CFAP77: variants seen among roughly 807,000 people sequenced by gnomAD.
CFAP77 encodes the protein cilia- and flagella-associated protein 77.
In CFAP77, 25 loss-of-function variants were observed where a neutral mutation model predicts 31.1. The ratio of observed to expected loss-of-function variants is 0.80; its 90% CI spans 0.59 to 1.12. The LOEUF (loss-of-function observed/expected upper bound fraction) is 1.12. CFAP77 is among the 50% of genes most tolerant of loss of function. The probability of loss-of-function intolerance (pLI) is 0.00; values close to 1 mark genes in which losing one functional copy is unlikely to be tolerated. For synonymous variants in CFAP77, 151 were observed against 159.9 expected, an observed-to-expected ratio of 0.94 and a Z score of 0.42; for missense variants, 377 against 397.3, an observed-to-expected ratio of 0.95 and a Z score of 0.44.
At chr9:132,414,103 A>G (rs1850056959) in intron 1 of CFAP77, among the ~76,000 whole-genome samples, 2 of 152,344 alleles carry the variant, frequency 1.3e-5, no homozygotes, top group East Asian at 1.9e-4. Flanking sequence ...GCCACAACAT[A>G]TGATTAATTA....
intron 3 of CFAP77, among the ~76,000 whole-genome samples, chr9:132,532,372 C>T (rs976129826): frequency 3.9e-5 from 6 of 152,200 alleles, no homozygotes; most frequent in African/African-American, 9.7e-5. Flanking sequence ...CGGCAGAGAG[C>T]GGAGCCAGCC....
At chr9:132,434,877 G>C (rs969701345) in intron 1 of CFAP77, among the ~76,000 whole-genome samples, 1 of 152,130 alleles carries the variant, frequency 6.6e-6, no homozygotes, top group African/African-American at 2.4e-5. Flanking sequence ...TCAGATGCAC[G>C]CTCTGCCTGG....
chr9:132,520,510 G>A (rs973018809), intron 3 of CFAP77, among the ~76,000 whole-genome samples: 1 of 152,168 alleles, frequency 6.6e-6, no homozygotes, highest in Non-Finnish European at 1.5e-5. Flanking sequence ...GCCAGTTACG[G>A]TGGTGAGTGT....
Position 132,460,237 on chromosome 9 carries a change from T to A in CFAP77, c.196-38458T>A, listed in dbSNP as rs1851026871. Among the ~76,000 whole-genome samples, 4 of 152,282 alleles carry A rather than the reference T, an allele frequency of 2.6e-5. 1 individual carries two copies. In the South Asian group the frequency reaches 8.3e-4, roughly 32 times the overall value. On this transcript the variant is annotated intron_variant, in intron 1 of 5. Coordinates refer to ENST00000393216, the MANE Select transcript of CFAP77 (RefSeq NM_001282957.2). ...CGGGCAGTTCAGCGGTCAGACTGCC[T>A]GGCCACCTCCCACCTCCTCCACTTT...
At chr9:132,472,268 C>T (rs1010105133) in intron 1 of CFAP77, among the ~76,000 whole-genome samples, 33 of 152,336 alleles carry the variant, frequency 2.2e-4, no homozygotes, top group South Asian at 8.3e-4. Context: ...TGAGTACTGG[C>T]ACTCAGGGAG....
intron 3 of CFAP77, among the ~76,000 whole-genome samples, chr9:132,533,243 G>A (rs777813623): frequency 2.0e-5 from 3 of 152,178 alleles, no homozygotes; most frequent in Non-Finnish European, 2.9e-5. Context: ...TTCATGTTCC[G>A]GTCACTGGCC....
intron 1 of CFAP77, among the ~76,000 whole-genome samples, chr9:132,439,810 C>A (rs1850584004): frequency 6.8e-6 from 1 of 146,152 alleles, no homozygotes; most frequent in Non-Finnish European, 1.5e-5. Flanking sequence ...GATCGTGCCA[C>A]TGCACTCCAG....
intron 1 of CFAP77, among the ~76,000 whole-genome samples, chr9:132,426,295 A>G (rs2131685350): frequency 6.6e-6 from 1 of 152,332 alleles, no homozygotes; most frequent in East Asian, 1.9e-4. Context: ...AATGAGCAAC[A>G]TCATTTTTGG....
At chr9:132,473,737 G>A (rs542960219) in intron 1 of CFAP77, among the ~76,000 whole-genome samples, 8 of 152,160 alleles carry the variant, frequency 5.3e-5, no homozygotes, top group Admixed American at 6.5e-5. Context: ...AGGCTGGAGC[G>A]CAATGGTGCG....
Position 132,499,490 on chromosome 9 carries a change from C to A in CFAP77, c.414C>A (p.Asn138Lys). ...VKAGLVTARE[N>K]LLYRQLNDIR... ...CCGGCCTGGTGACTGCCCGGGAGAA[C>A]TTGCTCTACCGTCAGCTCAATGACA... Residue 138 changes from asparagine to lysine, a missense_variant, in exon 3 of 6, where the codon AAC (asparagine) becomes AAA (lysine). Asn to Lys is a moderately conservative substitution (Grantham distance 94). Coordinates refer to ENST00000393216, the MANE Select transcript of CFAP77 (RefSeq NM_001282957.2). This position sits in a 1 kb window ranked among gnomAD's most constrained non-coding sequence, Gnocchi z 5.4. 6.2e-7 allele frequency: 1 copy of A among 1,614,216 alleles called. No homozygotes were observed.
intron 3 of CFAP77, chr9:132,513,206 T>G: frequency 1.3e-6 from 2 of 1,499,074 alleles, no homozygotes; most frequent in South Asian, 2.5e-5. Flanking sequence ...TATTATTGAC[T>G]CTAGTCAAGG....
At chr9:132,546,239 A>C (rs1852725975) in intron 5 of CFAP77, among the ~76,000 whole-genome samples, 2 of 152,090 alleles carry the variant, frequency 1.3e-5, no homozygotes, top group African/African-American at 4.8e-5. Context: ...GGCAGCCACC[A>C]ACTGGGCCTG....
At chr9:132,447,084 G>C (rs1850736943) in intron 1 of CFAP77, among the ~76,000 whole-genome samples, 1 of 152,116 alleles carries the variant, frequency 6.6e-6, no homozygotes. Context: ...GGTGAAGACT[G>C]AGGCTCAAGG....
In CFAP77 at chr9:132,440,665, T is replaced by C. The variant is rs374196342; in HGVS notation, c.195+30199T>C. ...TTGACAATTATGATTAACATCTAGATCATGTTTGAGGGTTTACAAAGTACC... is the reference window on the plus strand; with the variant it reads ...TTGACAATTATGATTAACATCTAGACCATGTTTGAGGGTTTACAAAGTACC... On this transcript the variant is annotated intron_variant, in intron 1 of 5. Coordinates refer to ENST00000393216, the MANE Select transcript of CFAP77 (RefSeq NM_001282957.2). Among the ~76,000 whole-genome samples the C allele has an allele frequency of 5.5e-4, 83 of 152,276 alleles. 1 individual carries two copies. Among genetic ancestry groups the C allele is most frequent in the African/African-American group, 2.0e-3 (83 of 41,562 alleles).
At chr9:132,513,419 G>A (rs1852075992) in intron 3 of CFAP77, 2 of 1,478,482 alleles carry the variant, frequency 1.4e-6, no homozygotes, top group Admixed American at 4.8e-5. Flanking sequence ...TGAGGCCCCT[G>A]TGCACACCTT....
chr9:132,558,671 T>C (rs143982286), intron 5 of CFAP77, among the ~76,000 whole-genome samples: 4,410 of 138,556 alleles, frequency 0.032, 89 homozygotes, highest in Middle Eastern at 0.11. Context: ...CACCATTGCA[T>C]TCCAGCCTGG....
intron 1 of CFAP77, among the ~76,000 whole-genome samples, chr9:132,489,370 G>T (rs1851616707): frequency 6.6e-6 from 1 of 152,134 alleles, no homozygotes. Flanking sequence ...GGGCGTGGCT[G>T]GGAGTTAAGC....
Position 132,424,632 on chromosome 9 carries a change from T to C in CFAP77, c.195+14166T>C, listed in dbSNP as rs1295542273. Among the ~76,000 whole-genome samples the C allele has an allele frequency of 6.6e-6, 1 of 152,142 alleles. No individual in the cohort carries two copies. The highest frequency in any genetic ancestry group is 2.4e-5 in the African/African-American group (1 of 41,428). On this transcript the variant is annotated intron_variant, in intron 1 of 5. Transcript: ENST00000393216. This position sits in a 1 kb window ranked among gnomAD's most constrained non-coding sequence, Gnocchi z 4.1. ...GGTTCCTGGGAAAGGGATGCTGGGA[T>C]CAGGTGAGGACCGCTCAAGGAGCCT...
Position 132,543,889 on chromosome 9 carries a change from C to T in CFAP77, c.732+842C>T, listed in dbSNP as rs573900738. Among the ~76,000 whole-genome samples, 7 of 152,236 alleles carry T rather than the reference C, an allele frequency of 4.6e-5. 1 individual carries two copies. In the South Asian group the frequency reaches 8.3e-4, roughly 18 times the overall value. On this transcript the variant is annotated intron_variant, in intron 5 of 5. Coordinates refer to ENST00000393216, the MANE Select transcript of CFAP77 (RefSeq NM_001282957.2). ...CAATGTAAGAGCCGGGGGCACCGTACGGAGAAAGGGAAGTGGGAGATTTGG... is the reference window on the plus strand; with the variant it reads ...CAATGTAAGAGCCGGGGGCACCGTATGGAGAAAGGGAAGTGGGAGATTTGG...
Sources: gnomAD v4.1 joint callset for allele counts (sites outside exome capture counted in the v4.1 genomes callset) on GRCh38, gnomAD v4.1.1 for gene constraint, Gnocchi (gnomAD v3.1) non-coding constraint, MANE v1.5 for transcripts, NCBI Gene and HGNC (gene_info 2026-07-23, HGNC 2026-07-21) for gene names.